The following ESRRG variants were observed in gnomAD, a reference collection of about 807,000 sequenced individuals.
ESRRG encodes the protein estrogen-related receptor gamma.
Under a neutral mutation model 44.0 loss-of-function variants are expected in ESRRG, and 13 were observed. That is an observed-to-expected ratio of 0.30 (90% CI 0.19 to 0.47). The LOEUF is 0.47. Among genes scored for constraint, ESRRG ranks in the 20% least tolerant of loss-of-function variants. ESRRG has a pLI of 1.00. For synonymous variants in ESRRG, 215 were observed against 214.6 expected (o/e 1.00, Z -0.02); for missense variants, 395 against 580.6 (o/e 0.68, Z 3.29).
chr1:216,995,733 T>G (rs2076293627), intron 1 of ESRRG, among the ~76,000 whole-genome samples: 1 of 152,224 alleles, frequency 6.6e-6, no homozygotes, highest in South Asian at 2.1e-4. Flanking sequence ...AAGTCCCTGG[T>G]TAGTAATATC....
At chr1:216,571,743 C>T (rs2060848008) in intron 3 of ESRRG, among the ~76,000 whole-genome samples, 1 of 152,048 alleles carries the variant, frequency 6.6e-6, no homozygotes, top group Non-Finnish European at 1.5e-5. Flanking sequence ...CACATAAGTC[C>T]TGATTTTACA....
chr1:216,715,794 G>A (rs1314916908), intron 1 of ESRRG, among the ~76,000 whole-genome samples: 2 of 151,706 alleles, frequency 1.3e-5, no homozygotes, highest in Non-Finnish European at 2.9e-5. Flanking sequence ...AACTCACATT[G>A]TGAGTATGAA....
chr1:217,128,843 C>T (rs985975786), intron 1 of ESRRG, among the ~76,000 whole-genome samples: 1 of 152,094 alleles, frequency 6.6e-6, no homozygotes, highest in Non-Finnish European at 1.5e-5. Flanking sequence ...TAATCTGAGT[C>T]TTTTCATGGA....
chr1:217,122,180 T>A (rs2092828549), intron 1 of ESRRG, among the ~76,000 whole-genome samples: 1 of 152,230 alleles, frequency 6.6e-6, no homozygotes, highest in South Asian at 2.1e-4. Flanking sequence ...AGGGATCTTC[T>A]TTTATATGCT....
At chr1:216,938,515 C>T (rs575081054) in intron 2 of ESRRG, among the ~76,000 whole-genome samples, 1 of 152,296 alleles carries the variant, frequency 6.6e-6, no homozygotes, top group South Asian at 2.1e-4. Context: ...CTCCCGCTGA[C>T]TACATTACTC....
chr1:216,630,754 A>G (rs1255928404), intron 3 of ESRRG, among the ~76,000 whole-genome samples: 1 of 152,194 alleles, frequency 6.6e-6, no homozygotes, highest in Non-Finnish European at 1.5e-5. Context: ...AGTCTTCAAC[A>G]TGATAATGAG....
upstream of ESRRG, among the ~76,000 whole-genome samples, chr1:216,725,747 T>A (rs1195923735): frequency 6.6e-6 from 1 of 152,172 alleles, no homozygotes; most frequent in Non-Finnish European, 1.5e-5. Flanking sequence ...TATGGATATT[T>A]CTTTAAAAAA....
intron 3 of ESRRG, among the ~76,000 whole-genome samples, chr1:216,591,053 A>C (rs1451136847): frequency 6.6e-6 from 1 of 152,142 alleles, no homozygotes; most frequent in Non-Finnish European, 1.5e-5. Flanking sequence ...CTGAGTGAAA[A>C]GGGTGAGGAG....
At chr1:216,818,476 C>T (rs868360383) in intron 2 of ESRRG, among the ~76,000 whole-genome samples, 6 of 152,164 alleles carry the variant, frequency 3.9e-5, no homozygotes, top group African/African-American at 1.2e-4. Flanking sequence ...GAAAAAGAAA[C>T]GGCACACTGG....
chr1:217,029,741 A>G (rs1161944332), intron 1 of ESRRG, among the ~76,000 whole-genome samples: 1 of 152,182 alleles, frequency 6.6e-6, no homozygotes, highest in Non-Finnish European at 1.5e-5. Flanking sequence ...AGCTAAATGC[A>G]CTACAGGCCT....
At chr1:217,060,354 G>A (rs1580240883) in intron 1 of ESRRG, among the ~76,000 whole-genome samples, 1 of 151,990 alleles carries the variant, frequency 6.6e-6, no homozygotes, top group Admixed American at 6.6e-5. Context: ...TATTGTGAAG[G>A]TTCACAAATA....
At chr1:216,692,191 G>A (rs1486571379) in intron 1 of ESRRG, among the ~76,000 whole-genome samples, 1 of 151,980 alleles carries the variant, frequency 6.6e-6, no homozygotes, top group Non-Finnish European at 1.5e-5. Context: ...AGGCATTGTT[G>A]TCATAGGAGA....
upstream of ESRRG, among the ~76,000 whole-genome samples, chr1:216,725,623 G>C (rs564227548): frequency 5.9e-5 from 9 of 152,134 alleles, no homozygotes; most frequent in East Asian, 1.7e-3. Flanking sequence ...GATTACTATC[G>C]TGATTTCTGA....
chr1:216,885,803 T>C (rs924038086), intron 2 of ESRRG, among the ~76,000 whole-genome samples: 1 of 152,040 alleles, frequency 6.6e-6, no homozygotes, highest in African/African-American at 2.4e-5. Context: ...CTTTTTCTCA[T>C]ATAGGTTGAT....
chr1:216,611,330 A>T (rs935009095), intron 3 of ESRRG, among the ~76,000 whole-genome samples: 1 of 151,944 alleles, frequency 6.6e-6, no homozygotes, highest in Non-Finnish European at 1.5e-5. Flanking sequence ...TTTTCATATA[A>T]ATCAATAATC....
chr1:216,579,598 A>G (rs1024840903), intron 3 of ESRRG, among the ~76,000 whole-genome samples: 9 of 152,128 alleles, frequency 5.9e-5, no homozygotes, highest in South Asian at 2.1e-4. Flanking sequence ...TCTTGGCTGA[A>G]AAAAGTTTGT....
intron 3 of ESRRG, among the ~76,000 whole-genome samples, chr1:216,632,702 GA>G (rs2064457772): frequency 6.6e-6 from 1 of 151,952 alleles, no homozygotes; most frequent in African/African-American, 2.4e-5. Context: ...TAAAATTATT[GA>G]AGAGTTTTTA....
intron 1 of ESRRG, among the ~76,000 whole-genome samples, chr1:217,055,592 T>C (rs1458850267): frequency 1.3e-5 from 2 of 152,242 alleles, no homozygotes; most frequent in African/African-American, 2.4e-5. Context: ...TGTACAGCCA[T>C]GGGATAGGCT....
At chr1:216,974,345 C>G (rs1037513346) in intron 1 of ESRRG, among the ~76,000 whole-genome samples, 4 of 152,106 alleles carry the variant, frequency 2.6e-5, no homozygotes, top group African/African-American at 9.7e-5. Context: ...TCCCAAAATA[C>G]ATGCAACTAT....
Sources: gnomAD v4.1 joint callset for allele counts (sites outside exome capture counted in the v4.1 genomes callset) on GRCh38, gnomAD v4.1.1 for gene constraint, MANE v1.5 for transcripts, NCBI Gene and HGNC (gene_info 2026-07-23, HGNC 2026-07-21) for gene names.